Variants in NEK7 observed in about 807,000 individuals in gnomAD.
NEK7 encodes the protein NIMA related kinase 7.
A neutral mutation model predicts 44.6 loss-of-function variants in NEK7; 18 were observed. The observed-to-expected ratio is 0.40, with a 90% CI of 0.28 to 0.60. NEK7 has a LOEUF of 0.60. Ranked by LOEUF, NEK7 falls within the 20% of genes least tolerant of loss-of-function variation. NEK7 has a pLI of 0.38. For synonymous variants in NEK7, 130 were observed against 121.1 expected, an observed-to-expected ratio of 1.07 and a Z score of -0.48; for missense variants, 256 against 366.5, an observed-to-expected ratio of 0.70 and a Z score of 2.46.
chr1:198,195,016 T>C (rs954194727), intron 1 of NEK7, among the ~76,000 whole-genome samples: 5 of 152,174 alleles, frequency 3.3e-5, no homozygotes, highest in Admixed American at 1.3e-4. Flanking sequence ...TTTGACTTTT[T>C]AATAGTAGCC....
chr1:198,226,869 CT>C (rs34619769), intron 1 of NEK7, among the ~76,000 whole-genome samples: 151,237 of 151,362 alleles, frequency 1, 75,557 homozygotes, highest in Middle Eastern at 1. Context: ...GATTGTAGAT[CT>C]TTTTTTTTTC....
intron 2 of NEK7, among the ~76,000 whole-genome samples, chr1:198,247,243 A>G (rs1666858490): frequency 1.3e-5 from 2 of 152,146 alleles, no homozygotes; most frequent in African/African-American, 4.8e-5. Context: ...CATTTTAAAC[A>G]TGTTTCTATT....
At chr1:198,177,571 G>T (rs539198102) in intron 1 of NEK7, among the ~76,000 whole-genome samples, 15 of 152,192 alleles carry the variant, frequency 9.9e-5, no homozygotes, top group Admixed American at 3.3e-4. Context: ...AAAAAGCATT[G>T]AAATGCTTTT....
intron 7 of NEK7, among the ~76,000 whole-genome samples, chr1:198,283,832 A>C (rs1467038485): frequency 6.6e-6 from 1 of 152,120 alleles, no homozygotes; most frequent in Non-Finnish European, 1.5e-5. Context: ...ACTAGAAATC[A>C]CACTGGTTAC....
rs1655524161 is a variant in NEK7 at position 198,321,150 on chromosome 1, T to G, written c.*1628T>G. The G allele has an allele frequency of 6.6e-6, 1 of 152,248 alleles. No individual in the cohort carries two copies. Among genetic ancestry groups the G allele is most frequent in the Admixed American group, 6.5e-5 (1 of 15,284 alleles). The allele number at this position is 152,248 out of a possible 1,614,324, so 9.4% of individuals were successfully genotyped here. On this transcript the variant is annotated 3_prime_UTR_variant, in exon 10 of 10. Transcript: ENST00000367385. Reference sequence around the variant, plus strand: ...CATATGTGTTTTTCTTACACTCATTTGAATGCTTTCAAGCATTTGTAAACT... The same window carrying G: ...CATATGTGTTTTTCTTACACTCATTGGAATGCTTTCAAGCATTTGTAAACT...
At chr1:198,237,116 A>C (rs151023281) in intron 2 of NEK7, among the ~76,000 whole-genome samples, 1 of 151,986 alleles carries the variant, frequency 6.6e-6, no homozygotes, top group Non-Finnish European at 1.5e-5. Flanking sequence ...CCTATTCTTC[A>C]CTTGGCTTCC....
In NEK7 at chr1:198,212,695, C is replaced by G. The variant is rs150375367; in HGVS notation, c.-28-19858C>G. Among the ~76,000 whole-genome samples, 249 of 152,232 alleles carry G rather than the reference C, an allele frequency of 1.6e-3. 1 individual carries two copies. The highest frequency in any genetic ancestry group is 5.6e-3 in the African/African-American group (232 of 41,526). On this transcript the variant is annotated intron_variant, in intron 1 of 9. Coordinates refer to ENST00000367385, the MANE Select transcript of NEK7 (RefSeq NM_133494.3). ...CAGGGACATTTGGGAGCTCCATGGC[C>G]CAGCCCATTGCCTGAAATACCAGAG...
chr1:198,233,727 T>G (rs1316107332), intron 2 of NEK7, among the ~76,000 whole-genome samples: 2 of 151,644 alleles, frequency 1.3e-5, no homozygotes, highest in African/African-American at 4.9e-5. Context: ...TTTTCCAAAC[T>G]TATTTGTCTA....
chr1:198,204,755 A>G (rs928627536), intron 1 of NEK7, among the ~76,000 whole-genome samples: 1 of 150,898 alleles, frequency 6.6e-6, no homozygotes, highest in Non-Finnish European at 1.5e-5. Context: ...CAGGTATTTC[A>G]TTTACAGATA....
At chr1:198,293,417 T>C (rs1456633356) in intron 8 of NEK7, among the ~76,000 whole-genome samples, 2 of 151,938 alleles carry the variant, frequency 1.3e-5, no homozygotes, top group East Asian at 3.8e-4. Flanking sequence ...TAAATATTTT[T>C]ATCAATATTT....
intron 1 of NEK7, among the ~76,000 whole-genome samples, chr1:198,210,988 G>A (rs1032871957): frequency 7.2e-5 from 11 of 151,758 alleles, no homozygotes; most frequent in East Asian, 1.9e-4. Context: ...TCCTGACCTC[G>A]TGATCCGCCC....
At chr1:198,167,745 A>G (rs1358837810) in intron 1 of NEK7, among the ~76,000 whole-genome samples, 2 of 152,086 alleles carry the variant, frequency 1.3e-5, no homozygotes, top group African/African-American at 2.4e-5. Flanking sequence ...GTAGTTCTCT[A>G]TCTTGTTTCA....
At chr1:198,315,839 G>A (rs574326254) in intron 9 of NEK7, among the ~76,000 whole-genome samples, 6 of 152,256 alleles carry the variant, frequency 3.9e-5, no homozygotes, top group South Asian at 2.1e-4. Context: ...GAATATTTAC[G>A]TGCAGCTCTA....
chr1:198,215,031 T>C (rs899421276), intron 1 of NEK7, among the ~76,000 whole-genome samples: 2 of 152,144 alleles, frequency 1.3e-5, no homozygotes, highest in African/African-American at 2.4e-5. Context: ...ATCTTTAGTC[T>C]CCTTAAAAAG....
At chr1:198,279,791 A>C (rs1183251613) in intron 7 of NEK7, among the ~76,000 whole-genome samples, 1 of 151,970 alleles carries the variant, frequency 6.6e-6, no homozygotes, top group African/African-American at 2.4e-5. Context: ...AAAATAGTGA[A>C]ATGAGCATCT....
At chr1:198,246,411 A>C (rs1020079786) in intron 2 of NEK7, among the ~76,000 whole-genome samples, 6 of 152,202 alleles carry the variant, frequency 3.9e-5, no homozygotes, top group Non-Finnish European at 8.8e-5. Flanking sequence ...ATGGGCTGTG[A>C]AGTTTACATA....
chr1:198,217,227 A>T (rs2102833909), intron 1 of NEK7, among the ~76,000 whole-genome samples: 2 of 152,182 alleles, frequency 1.3e-5, no homozygotes, highest in South Asian at 4.1e-4. Flanking sequence ...ACCAAACTCA[A>T]CAGCACGTCA....
chr1:198,193,503 CA>C (rs1558049981), intron 1 of NEK7, among the ~76,000 whole-genome samples: 1 of 151,930 alleles, frequency 6.6e-6, no homozygotes, highest in African/African-American at 2.4e-5. Context: ...ATAAATAAAA[CA>C]AAAAAAGAAA....
intron 4 of NEK7, among the ~76,000 whole-genome samples, chr1:198,263,653 A>G (rs1339610232): frequency 6.6e-6 from 1 of 151,950 alleles, no homozygotes; most frequent in African/African-American, 2.4e-5. Flanking sequence ...CAATAGTTAG[A>G]TATAGTATAG....
Sources: gnomAD v4.1 joint callset for allele counts (sites outside exome capture counted in the v4.1 genomes callset) on GRCh38, gnomAD v4.1.1 for gene constraint, MANE v1.5 for transcripts, NCBI Gene and HGNC (gene_info 2026-07-23, HGNC 2026-07-21) for gene names.